ARHGAP42: variants seen among roughly 807,000 people sequenced by gnomAD.
ARHGAP42 encodes the protein rho GTPase-activating protein 42.
A neutral mutation model predicts 125.0 loss-of-function variants in ARHGAP42; 63 were observed. That is an observed-to-expected ratio of 0.50 (90% CI 0.41 to 0.62). The LOEUF is 0.62. Ranked by LOEUF, ARHGAP42 falls within the 20% of genes least tolerant of loss-of-function variation. The pLI, the probability that ARHGAP42 is intolerant of heterozygous loss-of-function variation, is 0.00. For missense variants in ARHGAP42, 766 were observed against 1,024.2 expected, an observed-to-expected ratio of 0.75 and a Z score of 3.44; for synonymous variants, 339 against 351.0, an observed-to-expected ratio of 0.97 and a Z score of 0.38.
intron 3 of ARHGAP42, among the ~76,000 whole-genome samples, chr11:100,828,776 C>T (rs549553215): frequency 2.6e-5 from 4 of 151,580 alleles, no homozygotes; most frequent in South Asian, 2.1e-4. Context: ...CAGCCTCAAA[C>T]ACCTGTGCTC....
intron 2 of ARHGAP42, among the ~76,000 whole-genome samples, chr11:100,776,811 C>T (rs913408745): frequency 1.3e-5 from 2 of 152,006 alleles, no homozygotes; most frequent in Admixed American, 6.5e-5. Context: ...GGTGAAACCC[C>T]ATCTCTTCTA....
chr11:100,959,171 C>G (rs753608919), intron 12 of ARHGAP42, among the ~76,000 whole-genome samples: 6 of 151,996 alleles, frequency 3.9e-5, no homozygotes, highest in Non-Finnish European at 5.9e-5. Context: ...TAAATGCTTT[C>G]TCTTTAAATA....
intron 4 of ARHGAP42, among the ~76,000 whole-genome samples, chr11:100,865,851 CA>C (rs769164229): frequency 3.9e-5 from 6 of 152,110 alleles, no homozygotes; most frequent in Non-Finnish European, 8.8e-5. Context: ...ATGTTGATAG[CA>C]GCTGACTGAT....
At chr11:100,913,738 A>T (rs551325413) in intron 5 of ARHGAP42, among the ~76,000 whole-genome samples, 185 bp downstream of exon 5, 1 of 151,948 alleles carries the variant, frequency 6.6e-6, no homozygotes, top group South Asian at 2.1e-4. Context: ...CAAGTGAAGG[A>T]TCAATATTTC....
chr11:100,913,482 G>GA lies in ARHGAP42; in HGVS notation c.420dup (p.Tyr141IlefsTer6). ...AAAGAAGAAGTTTGACAAAGAGAGT[G>GA]AAAAATATTACTCTATCCTTGAAAA... On this transcript the variant is annotated frameshift_variant, in exon 5 of 24. Transcript: ENST00000298815. LOFTEE classifies it high-confidence loss of function. 1 of 1,292,146 alleles carries GA rather than the reference G, an allele frequency of 7.7e-7. No homozygotes were observed. Among genetic ancestry groups the GA allele is most frequent in the Non-Finnish European group, 1.0e-6 (1 of 984,608 alleles). 80.0% of individuals were successfully genotyped at this position (1,292,146 alleles called of 1,614,324 possible). A position where few individuals can be genotyped will look rare whatever the true frequency, so the allele number is the denominator to read the frequency against.
intron 4 of ARHGAP42, 44 bp from the exon 5 acceptor site, chr11:100,913,408 G>C (rs1866978384): frequency 1.1e-6 from 1 of 924,776 alleles, no homozygotes; most frequent in Non-Finnish European, 1.5e-6. Context: ...GGTTTTCTGG[G>C]TGCTCTGAGT....
At chr11:100,780,153 G>T (rs1364541562) in intron 2 of ARHGAP42, among the ~76,000 whole-genome samples, 1 of 151,974 alleles carries the variant, frequency 6.6e-6, no homozygotes, top group Non-Finnish European at 1.5e-5. Context: ...TATGTGACAA[G>T]AACTGTGCTT....
At chr11:100,820,892 C>T (rs1023489692) in intron 3 of ARHGAP42, among the ~76,000 whole-genome samples, 6 of 151,316 alleles carry the variant, frequency 4.0e-5, no homozygotes, top group Admixed American at 6.6e-5. Flanking sequence ...ATGCAACGAC[C>T]GGAAATGTTT....
intron 1 of ARHGAP42, among the ~76,000 whole-genome samples, chr11:100,734,222 C>T (rs1018045984): frequency 2.0e-5 from 3 of 151,640 alleles, no homozygotes; most frequent in Admixed American, 1.3e-4. Flanking sequence ...CGTGAGCCAC[C>T]GCGCCTGGCC....
chr11:100,878,367 C>T (rs934561159), intron 4 of ARHGAP42, among the ~76,000 whole-genome samples: 10 of 152,158 alleles, frequency 6.6e-5, no homozygotes, highest in Middle Eastern at 3.4e-3. Flanking sequence ...TATATTGATA[C>T]GATTTGGCTG....
intron 13 of ARHGAP42, 32 bp from the exon 14 acceptor site, chr11:100,960,883 A>T (rs1216651058): frequency 7.1e-7 from 1 of 1,404,052 alleles, no homozygotes. Flanking sequence ...CTGTATCTCA[A>T]GCCGTTTTCT....
chr11:100,875,674 G>A (rs1226547675), intron 4 of ARHGAP42, among the ~76,000 whole-genome samples: 1 of 151,772 alleles, frequency 6.6e-6, no homozygotes, highest in Non-Finnish European at 1.5e-5. Context: ...GGCAACAGAG[G>A]TCAACCCCAT....
intron 22 of ARHGAP42, among the ~76,000 whole-genome samples, chr11:100,984,139 GA>G (rs961037554): frequency 2.7e-5 from 4 of 149,166 alleles, no homozygotes; most frequent in African/African-American, 9.8e-5. Flanking sequence ...GCAAAAGAAA[GA>G]AAAAAAAATC....
At chr11:100,942,813 C>T (rs575633893) in intron 9 of ARHGAP42, among the ~76,000 whole-genome samples, 1 of 152,066 alleles carries the variant, frequency 6.6e-6, no homozygotes, top group South Asian at 2.1e-4. Context: ...GAAAAAGAAA[C>T]CTTAGTTGCT....
chr11:100,881,061 C>CT (rs1865948638), intron 4 of ARHGAP42, among the ~76,000 whole-genome samples: 1 of 152,076 alleles, frequency 6.6e-6, no homozygotes, highest in East Asian at 1.9e-4. Flanking sequence ...CTAACTGTTC[C>CT]TTTTGCCATG....
intron 3 of ARHGAP42, chr11:100,840,532 G>T (rs927497172): frequency 6.6e-6 from 1 of 152,046 alleles, no homozygotes; most frequent in Non-Finnish European, 1.5e-5. Context: ...TTTCCTTTAC[G>T]TTTTTTGACC....
intron 4 of ARHGAP42, among the ~76,000 whole-genome samples, chr11:100,912,953 G>T (rs939278949): frequency 2.0e-5 from 3 of 151,916 alleles, no homozygotes; most frequent in African/African-American, 7.2e-5. Context: ...TATTTCAGGT[G>T]TCTTTTGTGG....
chr11:100,775,637 C>T (rs73575554), intron 2 of ARHGAP42, among the ~76,000 whole-genome samples: 7 of 152,148 alleles, frequency 4.6e-5, no homozygotes, highest in Non-Finnish European at 1.0e-4. Flanking sequence ...TCCAAAGATA[C>T]TACTGTGAAT....
At chr11:100,859,255 C>A (rs1291289357) in intron 3 of ARHGAP42, 2 of 256,078 alleles carry the variant, frequency 7.8e-6, no homozygotes, top group Non-Finnish European at 1.5e-5. Context: ...ATTTAATACC[C>A]AATGTGCTAT....
Sources: gnomAD v4.1 joint callset for allele counts (sites outside exome capture counted in the v4.1 genomes callset) on GRCh38, gnomAD v4.1.1 for gene constraint, MANE v1.5 for transcripts, NCBI Gene and HGNC (gene_info 2026-07-23, HGNC 2026-07-21) for gene names.